PRKG1: variants seen among roughly 807,000 people sequenced by gnomAD.
PRKG1 encodes the protein protein kinase cGMP-dependent 1, also known as cGMP-dependent protein kinase 1.
A neutral mutation model predicts 88.1 loss-of-function variants in PRKG1; 35 were observed. That is an observed-to-expected ratio of 0.40 (90% confidence interval 0.30 to 0.53). The LOEUF is 0.53. Among genes scored for constraint, PRKG1 ranks in the 20% least tolerant of loss-of-function variants. PRKG1 has a pLI of 0.59. For synonymous variants in PRKG1, 303 were observed against 292.5 expected, an observed-to-expected ratio of 1.04 and a Z score of -0.37; for missense variants, 540 against 839.8, an observed-to-expected ratio of 0.64 and a Z score of 4.41.
chr10:52,266,618 T>C (rs1392762965), intron 10 of PRKG1, among the ~76,000 whole-genome samples: 1 of 152,018 alleles, frequency 6.6e-6, no homozygotes, highest in Non-Finnish European at 1.5e-5. Context: ...ATCTACTTGT[T>C]AGCACTGAGG....
chr10:51,370,901 T>C (rs2132607843), intron 2 of PRKG1, among the ~76,000 whole-genome samples: 1 of 152,226 alleles, frequency 6.6e-6, no homozygotes, highest in East Asian at 1.9e-4. Context: ...ACAGTGTAGT[T>C]ATAGAGTAAA....
intron 9 of PRKG1, among the ~76,000 whole-genome samples, chr10:52,215,624 C>A (rs932176428): frequency 2.0e-5 from 3 of 152,042 alleles, no homozygotes; most frequent in Non-Finnish European, 4.4e-5. Context: ...ATACATGTTT[C>A]AAAGTGAAAC....
chr10:51,338,481 T>C (rs1841929881), intron 2 of PRKG1, among the ~76,000 whole-genome samples: 1 of 151,884 alleles, frequency 6.6e-6, no homozygotes, highest in Admixed American at 6.6e-5. Flanking sequence ...AACAGTCTGG[T>C]AGGAGGGAGG....
intron 1 of PRKG1, among the ~76,000 whole-genome samples, chr10:51,146,443 A>ATTG (rs1291744298): frequency 3.1e-4 from 47 of 151,314 alleles, no homozygotes; most frequent in Non-Finnish European, 5.9e-4. Flanking sequence ...TATTATTATT[A>ATTG]TTATTTTAAG....
At chr10:51,426,246 A>G (rs559703324) in intron 2 of PRKG1, among the ~76,000 whole-genome samples, 1 of 152,028 alleles carries the variant, frequency 6.6e-6, no homozygotes, top group East Asian at 1.9e-4. Flanking sequence ...ATGCGACTGT[A>G]CTCCAGCCTG....
chr10:51,913,569 G>A (rs1282012599), intron 5 of PRKG1, among the ~76,000 whole-genome samples: 2 of 152,104 alleles, frequency 1.3e-5, no homozygotes, highest in East Asian at 3.9e-4. Flanking sequence ...GTTTTCTCTA[G>A]TCTCTTTGAA....
chr10:51,837,985 G>T (rs1237970854), intron 4 of PRKG1, among the ~76,000 whole-genome samples: 5 of 152,084 alleles, frequency 3.3e-5, no homozygotes, highest in Non-Finnish European at 7.4e-5. Flanking sequence ...CACTGCATCA[G>T]TGAGACTTTT....
chr10:51,190,553 CT>C (rs1837605951), intron 2 of PRKG1, among the ~76,000 whole-genome samples: 1 of 151,786 alleles, frequency 6.6e-6, no homozygotes, highest in Non-Finnish European at 1.5e-5. Flanking sequence ...AAAAAAAGAC[CT>C]AAAGAACCAG....
intron 5 of PRKG1, among the ~76,000 whole-genome samples, chr10:52,048,480 A>G (rs1310340163): frequency 2.6e-5 from 4 of 152,198 alleles, no homozygotes; most frequent in African/African-American, 7.2e-5. Flanking sequence ...GTGATCTAAC[A>G]AAAGAAAATA....
Position 51,727,197 on chromosome 10 carries a change from T to C in PRKG1, c.593-77388T>C, listed in dbSNP as rs541468153. On this transcript the variant is annotated intron_variant, in intron 3 of 17. Transcript: ENST00000373980. ...GACACACACCTGTGGTCCCAGCTAT[T>C]TGGGGGGCTGAGACGGGAGGATACC... is the stretch of plus-strand genomic sequence containing the variant. 1.9e-4 allele frequency among the ~76,000 whole-genome samples: 29 copies of C among 151,716 alleles called. No homozygotes were observed. In the South Asian group the frequency reaches 5.0e-3, roughly 26 times the overall value.
chr10:51,157,372 T>C (rs958228433), intron 2 of PRKG1, among the ~76,000 whole-genome samples: 2 of 151,980 alleles, frequency 1.3e-5, no homozygotes, highest in Admixed American at 6.6e-5. Flanking sequence ...TTTTATGTTT[T>C]AATTATGTTA....
intron 3 of PRKG1, among the ~76,000 whole-genome samples, chr10:51,699,991 T>A (rs929968805): frequency 6.6e-6 from 1 of 152,392 alleles, no homozygotes; most frequent in East Asian, 1.9e-4. Context: ...TAAGGCGGCG[T>A]GTTTTTCGTT....
chr10:51,665,840 T>C lies in PRKG1; in HGVS notation c.593-138745T>C, dbSNP rs534236783. 5.3e-5 allele frequency among the ~76,000 whole-genome samples: 8 copies of C among 152,228 alleles called. No homozygotes were observed. In the East Asian group the frequency reaches 1.5e-3, roughly 29 times the overall value. On this transcript the variant is annotated intron_variant, in intron 3 of 17. Transcript: ENST00000373980. The stretch of plus-strand genomic sequence containing the variant: ...TATTGTCATCGACCTCAACGGATTT[T>C]TATTTTGGTAGAAGAGAAAAAAAAT...
chr10:51,530,773 C>T (rs1302343406), intron 3 of PRKG1, among the ~76,000 whole-genome samples: 1 of 152,168 alleles, frequency 6.6e-6, no homozygotes, highest in Admixed American at 6.5e-5. Context: ...CACACACGAC[C>T]TTCCACCCAC....
chr10:51,397,320 A>C (rs1317983666), intron 2 of PRKG1, among the ~76,000 whole-genome samples: 3 of 152,134 alleles, frequency 2.0e-5, no homozygotes, highest in Non-Finnish European at 4.4e-5. Flanking sequence ...TGTAGTTACA[A>C]ATGCTTTCTA....
At chr10:51,522,400 A>T (rs755848600) in intron 3 of PRKG1, among the ~76,000 whole-genome samples, 1 of 152,206 alleles carries the variant, frequency 6.6e-6, no homozygotes, top group Admixed American at 6.6e-5. Flanking sequence ...GTGATTGAAG[A>T]CGTTGCTTGG....
intron 5 of PRKG1, among the ~76,000 whole-genome samples, chr10:51,961,647 GTTATTT>G (rs2133072378): frequency 6.6e-6 from 1 of 152,286 alleles, no homozygotes; most frequent in East Asian, 1.9e-4. Flanking sequence ...CATGGTGATT[GTTATTT>G]GTTTGAAATC....
At chr10:51,144,513 AG>A (rs1845894489) in intron 1 of PRKG1, among the ~76,000 whole-genome samples, 1 of 152,176 alleles carries the variant, frequency 6.6e-6, no homozygotes, top group Non-Finnish European at 1.5e-5. Context: ...AAATATTAAT[AG>A]TAGTAATACT....
chr10:51,604,691 C>T (rs1047047687), intron 3 of PRKG1, among the ~76,000 whole-genome samples: 2 of 152,210 alleles, frequency 1.3e-5, no homozygotes, highest in African/African-American at 2.4e-5. Context: ...AGGGGTGTGG[C>T]TCACTTCTTC....
Sources: allele counts gnomAD v4.1 joint callset (sites outside exome capture counted in the v4.1 genomes callset), GRCh38; gene constraint gnomAD v4.1.1; transcripts MANE v1.5; gene names NCBI Gene and HGNC (gene_info 2026-07-23, HGNC 2026-07-21).